The following THADA variants were observed in gnomAD, a reference collection of about 807,000 sequenced individuals.
THADA encodes THADA armadillo repeat containing.
In THADA, 213 loss-of-function variants were observed where a neutral mutation model predicts 219.8. The ratio of observed to expected loss-of-function variants is 0.97; its 90% CI spans 0.87 to 1.09. The LOEUF is 1.09. Ranked by LOEUF, THADA falls within the 50% of genes least tolerant of loss-of-function variation. The pLI is 0.00. For missense variants in THADA, 2,956 were observed against 2,311.3 expected (o/e 1.28, Z -5.72); for synonymous variants, 1,018 against 828.9 (o/e 1.23, Z -3.92).
intron 36 of THADA, among the ~76,000 whole-genome samples, chr2:43,248,198 GAGAGAGAGAGA>G (rs1558464611): frequency 1.3e-4 from 18 of 136,626 alleles, no homozygotes; most frequent in Non-Finnish European, 2.4e-4. Flanking sequence ...GAGAGAGAGA[GAGAGAGAGAGA>G]GAGAGACAGA....
chr2:43,268,037 C>G (rs1671719782), intron 36 of THADA, among the ~76,000 whole-genome samples: 1 of 152,150 alleles, frequency 6.6e-6, no homozygotes, highest in Non-Finnish European at 1.5e-5. Context: ...GAAGAGGAGG[C>G]AGAGAGGGAG....
chr2:43,279,723 C>A, intron 36 of THADA, 42 bp downstream of exon 36: 1 of 1,532,090 alleles, frequency 6.5e-7, no homozygotes, highest in Non-Finnish European at 8.8e-7. Context: ...CAACCTCTAT[C>A]CTGCAGCGAT....
chr2:43,544,523 C>G (rs1251255358), intron 20 of THADA, among the ~76,000 whole-genome samples: 1 of 152,118 alleles, frequency 6.6e-6, no homozygotes, highest in East Asian at 1.9e-4. Flanking sequence ...AATGTTCTTC[C>G]ATTTCCTTGT....
intron 21 of THADA, among the ~76,000 whole-genome samples, chr2:43,540,306 G>A (rs1695132798): frequency 6.6e-6 from 1 of 152,130 alleles, no homozygotes; most frequent in Admixed American, 6.5e-5. Flanking sequence ...AACATCACAA[G>A]CGCAGCTGTT....
intron 11 of THADA, 74 bp from the exon 12 acceptor site, chr2:43,573,066 G>T: frequency 2.5e-6 from 3 of 1,186,566 alleles, no homozygotes; most frequent in Non-Finnish European, 2.3e-6. Flanking sequence ...TAATTTTCAT[G>T]TTTCCAATTA....
intron 22 of THADA, among the ~76,000 whole-genome samples, chr2:43,519,761 C>G (rs563747039): frequency 6.6e-6 from 1 of 152,204 alleles, no homozygotes; most frequent in Non-Finnish European, 1.5e-5. Flanking sequence ...CTGGTGCCAG[C>G]TGGCGCACAT....
intron 35 of THADA, among the ~76,000 whole-genome samples, chr2:43,280,976 T>C (rs1285865727): frequency 2.0e-5 from 3 of 152,204 alleles, no homozygotes; most frequent in Admixed American, 1.3e-4. Context: ...GAGGTGAGCA[T>C]GGCCTCCCAG....
chr2:43,297,054 G>A (rs1358529895), intron 31 of THADA, among the ~76,000 whole-genome samples: 6 of 109,112 alleles, frequency 5.5e-5, no homozygotes, highest in Non-Finnish European at 1.1e-4. Flanking sequence ...GGAAAGTGAG[G>A]AGCGTCTCCG....
At chr2:43,410,797 T>C (rs768935591) in intron 28 of THADA, among the ~76,000 whole-genome samples, 1 of 152,208 alleles carries the variant, frequency 6.6e-6, no homozygotes, top group Non-Finnish European at 1.5e-5. Context: ...ACAGTGATGA[T>C]GGTTTTATGG....
chr2:43,493,906 C>G (rs1222430395), intron 25 of THADA, among the ~76,000 whole-genome samples: 4 of 152,174 alleles, frequency 2.6e-5, no homozygotes, highest in African/African-American at 9.7e-5. Context: ...ATCTTACAAT[C>G]AAGTCTCCAC....
At chr2:43,297,780 T>A (rs1389537807) in intron 31 of THADA, among the ~76,000 whole-genome samples, 1 of 44,528 alleles carries the variant, frequency 2.2e-5, no homozygotes, top group African/African-American at 1.1e-4. Context: ...GGTGGGGGGG[T>A]CGGCCCCCCG....
chr2:43,501,402 G>A (rs976778026), intron 24 of THADA, among the ~76,000 whole-genome samples: 2 of 148,298 alleles, frequency 1.3e-5, no homozygotes, highest in African/African-American at 2.5e-5. Context: ...CTGAATAAAT[G>A]GAGAAATAAG....
At chr2:43,381,097 CA>C (rs58711910) in intron 29 of THADA, among the ~76,000 whole-genome samples, 1,113 of 54,338 alleles carry the variant, frequency 0.02, 3 homozygotes, top group South Asian at 0.022. Flanking sequence ...GAGACTTTGT[CA>C]AAAAAAAAAA....
At chr2:43,508,193 T>C (rs1192375252) in intron 23 of THADA, among the ~76,000 whole-genome samples, 5 of 152,132 alleles carry the variant, frequency 3.3e-5, no homozygotes, top group Non-Finnish European at 7.4e-5. Flanking sequence ...GCTACTATTA[T>C]GATCATGATT....
chr2:43,515,746 A>G (rs868354150), intron 22 of THADA, among the ~76,000 whole-genome samples: 7 of 152,192 alleles, frequency 4.6e-5, no homozygotes, highest in Middle Eastern at 6.8e-3. Flanking sequence ...GTTAAAGTAC[A>G]TTCAAAAGCA....
At chr2:43,573,031 A>T (rs771845426) in intron 11 of THADA, 39 bp from the exon 12 acceptor site, 2 of 1,506,910 alleles carry the variant, frequency 1.3e-6, no homozygotes, top group Admixed American at 2.1e-5. Context: ...TGTATTATGC[A>T]ATGACTACTA....
At chr2:43,436,742 T>C (rs539392248) in intron 26 of THADA, among the ~76,000 whole-genome samples, 3 of 152,328 alleles carry the variant, frequency 2.0e-5, no homozygotes, top group East Asian at 1.9e-4. Flanking sequence ...ACCAGCTGAT[T>C]GTTCAATGGA....
Position 43,288,567 on chromosome 2 carries a change from C to T in THADA, c.5011-1506G>A, listed in dbSNP as rs572457549. ...AAAGACAGATACACAGGGAGAGGTC[C>T]AGAAGGATCCCAAGCACAGGACTTC... On this transcript the variant is annotated intron_variant, in intron 34 of 37. Transcript: ENST00000405975. 9.3e-4 allele frequency among the ~76,000 whole-genome samples: 142 copies of T among 152,238 alleles called. 3 individuals carry two copies. The South Asian group carries it at 0.029, about 31-fold the overall frequency.
intron 35 of THADA, among the ~76,000 whole-genome samples, chr2:43,283,864 G>C (rs1673665960): frequency 6.6e-6 from 1 of 152,232 alleles, no homozygotes; most frequent in Admixed American, 6.5e-5. Context: ...ATTCAAGCCT[G>C]CTGCAGAATT....
Sources: gnomAD v4.1 joint callset for allele counts (sites outside exome capture counted in the v4.1 genomes callset) on GRCh38, gnomAD v4.1.1 for gene constraint, MANE v1.5 for transcripts, NCBI Gene and HGNC (gene_info 2026-07-23, HGNC 2026-07-21) for gene names.